The following PSMD5 variants were observed in gnomAD, a reference collection of about 807,000 sequenced individuals.
The protein encoded by PSMD5 is 26S proteasome non-ATPase regulatory subunit 5.
PSMD5 carries 40 observed loss-of-function variants against 52.1 expected under a neutral mutation model. The observed-to-expected ratio is 0.77, with a 90% CI of 0.60 to 1.00. PSMD5 has a LOEUF of 1.00. PSMD5 is among the 50% of genes least tolerant of loss of function. The pLI is 0.00. For synonymous variants in PSMD5, 211 were observed against 226.6 expected (o/e 0.93, Z 0.62); for missense variants, 575 against 605.2 (o/e 0.95, Z 0.52).
intron 7 of PSMD5, among the ~76,000 whole-genome samples, chr9:120,821,759 C>T (rs574021065): frequency 1.3e-5 from 2 of 152,334 alleles, no homozygotes; most frequent in African/African-American, 4.8e-5. Flanking sequence ...CATACAATAT[C>T]TGTCCTTATG....
chr9:120,821,585 G>A, intron 7 of PSMD5, 121 bp from the exon 8 acceptor site: 2 of 555,340 alleles, frequency 3.6e-6, no homozygotes, highest in Non-Finnish European at 2.9e-6. Flanking sequence ...ACACTGTTGG[G>A]CAACCATCAT....
Position 120,842,748 on chromosome 9 carries a change from G to T in PSMD5, c.162C>A (p.Asn54Lys), listed in dbSNP as rs1307231759. The T allele has an allele frequency of 6.2e-7, 1 of 1,613,198 alleles. No individual in the cohort carries two copies. Among genetic ancestry groups the T allele is most frequent in the East Asian group, 2.2e-5 (1 of 44,902 alleles). ...LRLGPLFSLL[N>K]ENHREKTTLC... ...CGGGGTCCTCTCACCTATGGTTCTC[G>T]TTAAGCAGGGAGAAGAGCGGGCCGA... The change falls in exon 1 of 10, where the codon AAC (asparagine) becomes AAA (lysine). Residue 54 changes from asparagine to lysine, a missense_variant. Asn to Lys is a moderately conservative substitution (Grantham distance 94). Transcript: ENST00000210313.
chr9:120,836,272 T>C (rs1031718819), intron 1 of PSMD5, among the ~76,000 whole-genome samples: 4 of 152,212 alleles, frequency 2.6e-5, no homozygotes, highest in African/African-American at 9.6e-5. Context: ...GTGGGTTGCA[T>C]TGCTTCTGTG....
At chr9:120,826,931 CA>C (rs763786999) in intron 5 of PSMD5, 24 bp from the exon 6 acceptor site, 3 of 1,598,692 alleles carry the variant, frequency 1.9e-6, no homozygotes, top group Non-Finnish European at 2.6e-6. Flanking sequence ...AGGACAAAAA[CA>C]AGGAGATTTT....
chr9:120,816,841 T>G lies in PSMD5; in HGVS notation c.*1065A>C, dbSNP rs1477357897. 1 of 152,192 alleles carries G rather than the reference T, an allele frequency of 6.6e-6. No homozygotes were observed. The highest frequency in any genetic ancestry group is 1.5e-5 in the Non-Finnish European group (1 of 68,034). The allele number at this position is 152,192 out of a possible 1,614,324, so 9.4% of individuals were successfully genotyped here. A position where few individuals can be genotyped will look rare whatever the true frequency, so the allele number is the denominator to read the frequency against. On this transcript the variant is annotated 3_prime_UTR_variant, in exon 10 of 10. Transcript: ENST00000210313. ...ATATGTCCCTTCTGTTCTGAGTCTG[T>G]TTATTAGGAGTAAGTTTCCCTTTCT...
chr9:120,822,254 A>G (rs2045090585), intron 7 of PSMD5, among the ~76,000 whole-genome samples: 1 of 152,230 alleles, frequency 6.6e-6, no homozygotes. Context: ...AACCAGTGAC[A>G]GGCCTAGAAC....
At chr9:120,822,693 C>T (rs1437328815) in intron 7 of PSMD5, among the ~76,000 whole-genome samples, 1 of 152,090 alleles carries the variant, frequency 6.6e-6, no homozygotes, top group Non-Finnish European at 1.5e-5. Context: ...CCTGCCATCA[C>T]ACCTAGCTAA....
chr9:120,841,179 T>C (rs1200055517), intron 1 of PSMD5, among the ~76,000 whole-genome samples: 1 of 152,274 alleles, frequency 6.6e-6, no homozygotes, highest in African/African-American at 2.4e-5. Context: ...TGCAATGTTA[T>C]ACAAGTTTTA....
At chr9:120,823,214 CT>C (rs1322695765) in intron 7 of PSMD5, among the ~76,000 whole-genome samples, 386 of 139,700 alleles carry the variant, frequency 2.8e-3, no homozygotes, top group Admixed American at 2.9e-3. Context: ...TTCTTTCTTT[CT>C]TTTTTTTTTT....
At chr9:120,832,020 T>C in intron 2 of PSMD5, 75 bp from the exon 3 acceptor site, 1 of 1,541,622 alleles carries the variant, frequency 6.5e-7, no homozygotes, top group Non-Finnish European at 8.7e-7. Flanking sequence ...TCCAATTTCC[T>C]TAGTGCACAG....
intron 6 of PSMD5, among the ~76,000 whole-genome samples, chr9:120,825,189 G>A (rs1188451666): frequency 1.3e-5 from 2 of 150,468 alleles, no homozygotes; most frequent in South Asian, 2.1e-4. Flanking sequence ...TACTGTAAAT[G>A]TCATTACTAG....
chr9:120,829,330 A>G, intron 4 of PSMD5, 122 bp from the exon 5 acceptor site: 2 of 1,195,744 alleles, frequency 1.7e-6, no homozygotes, highest in Non-Finnish European at 2.1e-6. Flanking sequence ...TAAAAAATCC[A>G]TTATTTGTCT....
chr9:120,840,588 G>A (rs2045227898), intron 1 of PSMD5, among the ~76,000 whole-genome samples: 1 of 150,888 alleles, frequency 6.6e-6, no homozygotes, highest in Non-Finnish European at 1.5e-5. Context: ...TGGGACTACA[G>A]GTGTGCGCTA....
In PSMD5 at chr9:120,824,286, C is replaced by T. The variant is rs2045106414; in HGVS notation, c.1006+208G>A. 27 of 581,032 alleles carry T rather than the reference C, an allele frequency of 4.6e-5. No homozygotes were observed. The South Asian group carries it at 5.3e-4, about 11-fold the overall frequency. The allele number at this position is 581,032 out of a possible 1,614,324, so 36.0% of individuals were successfully genotyped here. On this transcript the variant is annotated intron_variant, in intron 7 of 9. Transcript: ENST00000210313. ...GGTAGAAACCTAAACCAATGAAAAC[C>T]TAAACCAGTGAAAAGTCAAAAAAAA...
At chr9:120,841,436 G>A (rs902787206) in intron 1 of PSMD5, among the ~76,000 whole-genome samples, 2 of 152,014 alleles carry the variant, frequency 1.3e-5, no homozygotes, top group East Asian at 1.9e-4. Context: ...AAAATTAGCC[G>A]GGCGTGGTGG....
At chr9:120,819,108 CA>C (rs1419395129) in intron 9 of PSMD5, among the ~76,000 whole-genome samples, 1 of 152,134 alleles carries the variant, frequency 6.6e-6, no homozygotes, top group African/African-American at 2.4e-5. Flanking sequence ...AAGTCTTTTC[CA>C]AATTTTAAGA....
chr9:120,837,326 A>T (rs1564478620), intron 1 of PSMD5, among the ~76,000 whole-genome samples: 1 of 152,170 alleles, frequency 6.6e-6, no homozygotes, highest in Non-Finnish European at 1.5e-5. Context: ...AGCCTGAAGA[A>T]CCGAATGTTT....
intron 4 of PSMD5, 43 bp from the exon 5 acceptor site, chr9:120,829,251 T>C (rs368096293): frequency 5.2e-6 from 8 of 1,540,902 alleles, no homozygotes; most frequent in Admixed American, 4.1e-5. Context: ...AAAGGTCAAA[T>C]CAGCCCTACG....
rs377251517 is a variant in PSMD5, at chr9:120,828,964, C to T, written c.671+135G>A. ...AACTTGAACAATTTTCTAAAGATCC[C>T]TCCTTCAGGACACACATCAGTCATG... On this transcript the variant is annotated intron_variant, in intron 5 of 9. Coordinates refer to ENST00000210313, the MANE Select transcript of PSMD5 (RefSeq NM_005047.4). The T allele has an allele frequency of 8.8e-5, 107 of 1,214,022 alleles. 1 individual carries two copies. The African/African-American group carries it at 1.4e-3, about 16-fold the overall frequency. 75.2% of individuals were successfully genotyped at this position (1,214,022 alleles called of 1,614,324 possible).
Sources: allele counts gnomAD v4.1 joint callset (sites outside exome capture counted in the v4.1 genomes callset), GRCh38; gene constraint gnomAD v4.1.1; transcripts MANE v1.5; gene names NCBI Gene and HGNC (gene_info 2026-07-23, HGNC 2026-07-21).